MAML2: variants seen among roughly 807,000 people sequenced by gnomAD.
MAML2 encodes mastermind like transcriptional coactivator 2, also known as mastermind-like protein 2.
Under a neutral mutation model 96.1 loss-of-function variants are expected in MAML2, and 22 were observed. That is an observed-to-expected ratio of 0.23 (90% CI 0.16 to 0.33). MAML2 has a LOEUF of 0.33. Among genes scored for constraint, MAML2 ranks in the 10% least tolerant of loss-of-function variants. The pLI is 1.00. For missense variants in MAML2, 1,367 were observed against 1,392.4 expected (o/e 0.98, Z 0.29); for synonymous variants, 561 against 521.3 (o/e 1.08, Z -1.04).
chr11:96,057,131 T>A (rs1208559998), intron 2 of MAML2, among the ~76,000 whole-genome samples: 1 of 152,178 alleles, frequency 6.6e-6, no homozygotes, highest in Admixed American at 6.5e-5. Context: ...GTTTTCTTTT[T>A]TGTTTATGAC....
intron 1 of MAML2, among the ~76,000 whole-genome samples, chr11:96,174,491 C>A (rs1490594209): frequency 6.6e-6 from 1 of 152,248 alleles, no homozygotes. Flanking sequence ...TCAAGCAATT[C>A]TCCTGCCTCA....
intron 1 of MAML2, among the ~76,000 whole-genome samples, chr11:96,143,152 G>A (rs1860762794): frequency 6.6e-6 from 1 of 152,128 alleles, no homozygotes; most frequent in Admixed American, 6.5e-5. Flanking sequence ...AACACAGCAG[G>A]GTGTGTGTTT....
At chr11:96,116,847 G>T (rs1860251993) in intron 1 of MAML2, among the ~76,000 whole-genome samples, 2 of 152,258 alleles carry the variant, frequency 1.3e-5, no homozygotes, top group South Asian at 4.1e-4. Flanking sequence ...TACTATAGTA[G>T]CCTGTAAGAG....
Position 95,979,770 on chromosome 11 carries a change from G to A in MAML2, c.2649C>T (p.Val883=). ...GGGTCAATTGATTCATTCCTGAAGT[G>A]ACACTGTATGTGTTAGGTTGATTAC... ...LPCNQPNTYS[V]TSGMNQLTQQ... is the part of the protein sequence containing the mutation. The change falls in exon 5 of 5, where the codon GTC becomes GTT. Residue 883 remains valine, a synonymous_variant. Transcript: ENST00000524717. 2 of 1,613,930 alleles carry A rather than the reference G, an allele frequency of 1.2e-6. 1 individual carries two copies. The highest frequency in any genetic ancestry group is 3.3e-4 in the Middle Eastern group (2 of 6,062).
chr11:96,339,314 C>T (rs1220180520), intron 1 of MAML2, among the ~76,000 whole-genome samples: 1 of 152,224 alleles, frequency 6.6e-6, no homozygotes, highest in Non-Finnish European at 1.5e-5. Context: ...CGCTCCCTCA[C>T]TTCCCTCCCA....
chr11:96,168,010 T>G (rs891659459), intron 1 of MAML2, among the ~76,000 whole-genome samples: 8 of 152,222 alleles, frequency 5.3e-5, no homozygotes, highest in African/African-American at 1.9e-4. Flanking sequence ...GGAGGGTTGC[T>G]GCAATAACCA....
At chr11:96,127,910 G>C (rs1354292656) in intron 1 of MAML2, among the ~76,000 whole-genome samples, 4 of 152,120 alleles carry the variant, frequency 2.6e-5, no homozygotes, top group Admixed American at 2.6e-4. Context: ...CTTTAGAAGT[G>C]GCATGTTCAA....
At chr11:96,273,897 A>G (rs1294575041) in intron 1 of MAML2, among the ~76,000 whole-genome samples, 2 of 152,116 alleles carry the variant, frequency 1.3e-5, no homozygotes, top group Non-Finnish European at 2.9e-5. Flanking sequence ...TTCATTTACT[A>G]AACTCTTTGG....
intron 1 of MAML2, among the ~76,000 whole-genome samples, chr11:96,272,766 C>A (rs1862935080): frequency 6.6e-6 from 1 of 152,184 alleles, no homozygotes; most frequent in Non-Finnish European, 1.5e-5. Flanking sequence ...TAACATTACT[C>A]TGACCCTTTA....
chr11:96,112,363 C>T (rs979846808), intron 1 of MAML2, among the ~76,000 whole-genome samples: 7 of 152,254 alleles, frequency 4.6e-5, no homozygotes, highest in Non-Finnish European at 1.0e-4. Context: ...TGACCTGGGG[C>T]AGTGTCCATC....
At position 96,139,161 on chromosome 11, in the gene MAML2, G is replaced by A. The variant is rs72971826; in HGVS notation, c.514-45644C>T. The stretch of plus-strand genomic sequence containing the variant: ...CTTTCCTAATACAACTTTGTACAGC[G>A]ATCAGATACATTAGGCCTATCACTC... On this transcript the variant is annotated intron_variant, in intron 1 of 4. Transcript: ENST00000524717. Among the ~76,000 whole-genome samples the A allele has an allele frequency of 1.7e-3, 252 of 152,118 alleles. 1 individual carries two copies. The highest frequency in any genetic ancestry group is 2.1e-3 in the Non-Finnish European group (145 of 67,988).
intron 1 of MAML2, among the ~76,000 whole-genome samples, chr11:96,207,035 T>C (rs1451073334): frequency 6.6e-6 from 1 of 152,230 alleles, no homozygotes; most frequent in African/African-American, 2.4e-5. Flanking sequence ...TAACATTCTT[T>C]CAAGGTAACT....
intron 1 of MAML2, among the ~76,000 whole-genome samples, chr11:96,136,092 C>T (rs4753735): frequency 2.7e-5 from 4 of 150,486 alleles, no homozygotes; most frequent in Admixed American, 2.6e-4. Flanking sequence ...TAGGAATCAA[C>T]GTTTTGATCT....
intron 1 of MAML2, among the ~76,000 whole-genome samples, chr11:96,243,059 T>TAC (rs1555029042): frequency 6.7e-6 from 1 of 150,338 alleles, no homozygotes; most frequent in African/African-American, 2.4e-5. Flanking sequence ...CACATACACA[T>TAC]ACACACACAC....
At chr11:96,055,723 G>A (rs192462635) in intron 2 of MAML2, among the ~76,000 whole-genome samples, 14 of 152,256 alleles carry the variant, frequency 9.2e-5, no homozygotes, top group Non-Finnish European at 1.8e-4. Context: ...GTAACCAAGC[G>A]CCGAACATGA....
chr11:96,116,578 TTC>T (rs1860246593), intron 1 of MAML2, among the ~76,000 whole-genome samples: 1 of 152,224 alleles, frequency 6.6e-6, no homozygotes. Flanking sequence ...CTGCTAAGCT[TTC>T]TGGTGTTCAG....
At chr11:95,982,554 G>T (rs1228824061) in intron 4 of MAML2, among the ~76,000 whole-genome samples, 1 of 152,152 alleles carries the variant, frequency 6.6e-6, no homozygotes, top group Non-Finnish European at 1.5e-5. Context: ...AGATGGAGTG[G>T]AAAGATAAAA....
rs181869128 is a variant in MAML2, at chr11:96,244,989, G to A, written c.513+96394C>T. Among the ~76,000 whole-genome samples, 13 of 152,322 alleles carry A rather than the reference G, an allele frequency of 8.5e-5. 1 individual carries two copies. Among genetic ancestry groups the A allele is most frequent in the Admixed American group, 8.5e-4 (13 of 15,302 alleles). ...TATCTTAAAATGTCAGATGTTAGATGTGAGATTATACATCCATACTGAACT... is the reference window on the plus strand; with the variant it reads ...TATCTTAAAATGTCAGATGTTAGATATGAGATTATACATCCATACTGAACT... On this transcript the variant is annotated intron_variant, in intron 1 of 4. Coordinates refer to ENST00000524717, the MANE Select transcript of MAML2 (RefSeq NM_032427.4).
chr11:96,285,097 T>G (rs1036969268), intron 1 of MAML2, among the ~76,000 whole-genome samples: 1 of 152,142 alleles, frequency 6.6e-6, no homozygotes, highest in African/African-American at 2.4e-5. Flanking sequence ...ACACAGCTAC[T>G]AAGTCAGGAT....
Sources: allele counts gnomAD v4.1 joint callset (sites outside exome capture counted in the v4.1 genomes callset), GRCh38; gene constraint gnomAD v4.1.1; transcripts MANE v1.5; gene names NCBI Gene and HGNC (gene_info 2026-07-23, HGNC 2026-07-21).